PCNX2: variants seen among roughly 807,000 people sequenced by gnomAD.
The protein encoded by PCNX2 is pecanex 2, also known as pecanex-like protein 2.
A neutral mutation model predicts 223.8 loss-of-function variants in PCNX2; 168 were observed. The ratio of observed to expected loss-of-function variants is 0.75; its 90% CI spans 0.66 to 0.85. PCNX2 has a LOEUF of 0.85. Ranked by LOEUF, PCNX2 falls within the 40% of genes least tolerant of loss-of-function variation. PCNX2 has a pLI of 0.00. For missense variants in PCNX2, 2,507 were observed against 2,675.5 expected (o/e 0.94, Z 1.39); for synonymous variants, 1,006 against 1,052.6 (o/e 0.96, Z 0.86).
At chr1:233,288,857 T>C in intron 1 of PCNX2, 1 of 1,208,942 alleles carries the variant, frequency 8.3e-7, no homozygotes, top group South Asian at 1.3e-5. Flanking sequence ...ATTTAGTCAT[T>C]TTTGTTTACA....
At chr1:233,129,278 C>G (rs974192709) in intron 21 of PCNX2, among the ~76,000 whole-genome samples, 4 of 152,180 alleles carry the variant, frequency 2.6e-5, no homozygotes, top group African/African-American at 9.7e-5. Flanking sequence ...TGCGCTGGGT[C>G]CCCCAGCAGT....
intron 21 of PCNX2, among the ~76,000 whole-genome samples, chr1:233,099,875 A>G (rs1173639608): frequency 1.3e-5 from 2 of 152,188 alleles, no homozygotes; most frequent in Non-Finnish European, 2.9e-5. Flanking sequence ...CAAGCACTAT[A>G]ATATTGTATT....
chr1:232,984,527 C>T (rs1461157772), intron 33 of PCNX2, 50 bp from the exon 34 acceptor site: 2 of 1,567,742 alleles, frequency 1.3e-6, no homozygotes, highest in South Asian at 1.2e-5. Flanking sequence ...ACGTTCACTA[C>T]CCACTTCTAA....
At chr1:233,219,525 T>C (rs1657241028) in intron 10 of PCNX2, among the ~76,000 whole-genome samples, 1 of 152,062 alleles carries the variant, frequency 6.6e-6, no homozygotes, top group African/African-American at 2.4e-5. Context: ...CTTTCCAGTT[T>C]TTGCTCATAT....
intron 21 of PCNX2, among the ~76,000 whole-genome samples, chr1:233,110,036 C>T (rs1198262163): frequency 6.6e-6 from 1 of 152,124 alleles, no homozygotes; most frequent in African/African-American, 2.4e-5. Flanking sequence ...TTATAGTGAG[C>T]TGAGATGGTG....
intron 23 of PCNX2, among the ~76,000 whole-genome samples, chr1:233,076,004 A>T (rs1234156394): frequency 6.6e-6 from 1 of 152,240 alleles, no homozygotes; most frequent in Non-Finnish European, 1.5e-5. Flanking sequence ...AAAAATAGTA[A>T]TAAAAAATCC....
At chr1:233,261,379 G>T in intron 3 of PCNX2, 58 bp from the exon 4 acceptor site, 1 of 1,521,368 alleles carries the variant, frequency 6.6e-7, no homozygotes, top group Non-Finnish European at 9.1e-7. Context: ...TCCATTTCCA[G>T]ACAGTCGGCA....
At chr1:233,116,967 C>T (rs1045549212) in intron 21 of PCNX2, among the ~76,000 whole-genome samples, 1 of 151,980 alleles carries the variant, frequency 6.6e-6, no homozygotes, top group Non-Finnish European at 1.5e-5. Context: ...AAGGAAACTG[C>T]GTATGTAGAA....
At chr1:233,032,857 G>T in intron 25 of PCNX2, 1 of 486,730 alleles carries the variant, frequency 2.1e-6, no homozygotes, top group Non-Finnish European at 2.7e-6. Flanking sequence ...GAAAAGCTTA[G>T]TTCAGGTGAG....
intron 33 of PCNX2, 80 bp downstream of exon 33, chr1:232,986,012 G>C (rs1356564625): frequency 6.8e-7 from 1 of 1,461,750 alleles, no homozygotes; most frequent in Non-Finnish European, 9.4e-7. Flanking sequence ...GGGTGGGAAC[G>C]CAAGGCAGGT....
chr1:233,046,680 G>C (rs941980159), intron 25 of PCNX2, among the ~76,000 whole-genome samples: 2 of 152,206 alleles, frequency 1.3e-5, no homozygotes, highest in Admixed American at 1.3e-4. Flanking sequence ...ATGAGCAATA[G>C]CAGAGATCCT....
rs556249967 is a variant in PCNX2, at chr1:233,131,140, G to A, written c.3837+3873C>T. Among the ~76,000 whole-genome samples the A allele has an allele frequency of 9.2e-5, 14 of 152,298 alleles. No individual in the cohort carries two copies. The East Asian group carries it at 2.5e-3, about 27-fold the overall frequency. On this transcript the variant is annotated intron_variant, in intron 21 of 33. Coordinates refer to ENST00000258229, the MANE Select transcript of PCNX2 (RefSeq NM_014801.4). ...AACCTCAGAGCCCTTCTGTGAGGGG[G>A]GCTGCCAGGCTAACAATAATTCTCT...
chr1:233,275,871 A>G (rs1185023966), intron 1 of PCNX2, among the ~76,000 whole-genome samples: 1 of 152,018 alleles, frequency 6.6e-6, no homozygotes, highest in Non-Finnish European at 1.5e-5. Context: ...CTCTACTAAA[A>G]ATAGAAAAAT....
In PCNX2 at chr1:233,160,350, A is replaced by C. The variant is rs1359291925; in HGVS notation, c.3450T>G (p.His1150Gln). Reference sequence around the variant, plus strand: ...GGTGTGAAATCCACATCCAGGGATGATGCTTGCGGAGCTGAGGGAGCACGT... The same window carrying C: ...GGTGTGAAATCCACATCCAGGGATGCTGCTTGCGGAGCTGAGGGAGCACGT... The part of the protein sequence containing the change: ...THYVLPQLRK[H>Q]HPWMWISHPI... Residue 1150 changes from histidine to glutamine, a missense_variant, in exon 19 of 34, where the codon CAT (histidine) becomes CAG (glutamine). Coordinates refer to ENST00000258229, the MANE Select transcript of PCNX2 (RefSeq NM_014801.4). 6.2e-7 allele frequency: 1 copy of C among 1,613,468 alleles called. No individual in the cohort carries two copies. The highest frequency in any genetic ancestry group is 1.1e-5 in the South Asian group (1 of 91,064).
At chr1:233,323,035 A>G in the PCNX2 span, among the ~76,000 whole-genome samples, 5 of 152,180 alleles carry the variant, frequency 3.3e-5, no homozygotes, top group African/African-American at 9.7e-5. Flanking sequence ...AAAGCCTGGG[A>G]AGAAGTATCT....
intron 12 of PCNX2, among the ~76,000 whole-genome samples, chr1:233,210,187 C>T (rs181890767): frequency 9.2e-5 from 14 of 152,172 alleles, no homozygotes; most frequent in Admixed American, 2.6e-4. Flanking sequence ...AAAAGCCTGC[C>T]CTCATCACCA....
intron 25 of PCNX2, among the ~76,000 whole-genome samples, chr1:233,037,317 G>A (rs1008244612): frequency 6.6e-6 from 1 of 152,096 alleles, no homozygotes; most frequent in Admixed American, 6.6e-5. Flanking sequence ...CACTGGACCT[G>A]TGTGTCTTTT....
chr1:233,241,073 G>T, intron 8 of PCNX2: 1 of 728,688 alleles, frequency 1.4e-6, no homozygotes, highest in Non-Finnish European at 1.7e-6. Flanking sequence ...GAAAGTCCCA[G>T]CAACATGTTC....
At chr1:233,192,590 GAAGCTTTCT>G (rs1680482431) in intron 15 of PCNX2, among the ~76,000 whole-genome samples, 1 of 152,032 alleles carries the variant, frequency 6.6e-6, no homozygotes, top group Admixed American at 6.5e-5. Flanking sequence ...ACCACTTACA[GAAGCTTTCT>G]AAAGCACATT....
Sources: gnomAD v4.1 joint callset for allele counts (sites outside exome capture counted in the v4.1 genomes callset) on GRCh38, gnomAD v4.1.1 for gene constraint, MANE v1.5 for transcripts, NCBI Gene and HGNC (gene_info 2026-07-23, HGNC 2026-07-21) for gene names.